The following MGST1 variants were observed in gnomAD, a reference collection of about 807,000 sequenced individuals.
The protein encoded by MGST1 is microsomal glutathione S-transferase 1, also known as glutathione S-transferase 12.
MGST1 carries 5 observed loss-of-function variants against 8.9 expected under a neutral mutation model. That is an observed-to-expected ratio of 0.56 (90% confidence interval 0.29 to 1.19). The LOEUF (loss-of-function observed/expected upper bound fraction) is 1.19, where lower values mean the gene tolerates loss of function less well. Ranked by LOEUF, MGST1 falls within the 50% of genes most tolerant of loss-of-function variation. The probability of loss-of-function intolerance (pLI) is 0.08; values close to 1 mark genes in which losing one functional copy is unlikely to be tolerated. For synonymous variants in MGST1, 54 were observed against 67.8 expected, an observed-to-expected ratio of 0.80 and a Z score of 1.00; for missense variants, 182 against 187.4, an observed-to-expected ratio of 0.97 and a Z score of 0.17.
At chr12:16,395,780 CATATATATATAT>C (rs369986291) in intron 1 of MGST1, among the ~76,000 whole-genome samples, 2 of 121,896 alleles carry the variant, frequency 1.6e-5, no homozygotes, top group East Asian at 2.8e-4. Context: ...AGTATTCCAT[CATATATATATAT>C]ATATATATAT....
At chr12:16,393,706 C>A (rs541089254) in intron 1 of MGST1, among the ~76,000 whole-genome samples, 1 of 152,160 alleles carries the variant, frequency 6.6e-6, no homozygotes, top group South Asian at 2.1e-4. Flanking sequence ...AAGCCTGTTG[C>A]GCTCATTATG....
At chr12:16,491,371 C>T (rs1412884511) in intron 4 of MGST1, among the ~76,000 whole-genome samples, 11 of 152,142 alleles carry the variant, frequency 7.2e-5, no homozygotes, top group African/African-American at 2.7e-4. Flanking sequence ...TGTTAGGCCA[C>T]AGCCTAATGG....
intron 4 of MGST1, among the ~76,000 whole-genome samples, chr12:16,532,628 T>A (rs1377889703): frequency 6.6e-6 from 1 of 152,098 alleles, no homozygotes; most frequent in African/African-American, 2.4e-5. Context: ...CTACACTGAG[T>A]TGGAGTGTTC....
chr12:16,551,455 G>T (rs550112475), intron 4 of MGST1: 5 of 616,114 alleles, frequency 8.1e-6, no homozygotes, highest in South Asian at 8.0e-5. Flanking sequence ...GGCTTAGACA[G>T]TTGTCTTCAT....
chr12:16,513,447 C>T lies in MGST1; in HGVS notation n.483-76081C>T, dbSNP rs995243673. 11 of 408,870 alleles carry T rather than the reference C, an allele frequency of 2.7e-5. No homozygotes were observed. The highest frequency in any genetic ancestry group is 5.3e-5 in the Non-Finnish European group (11 of 208,886). 25.3% of individuals were successfully genotyped at this position (408,870 alleles called of 1,614,324 possible). A position where few individuals can be genotyped will look rare whatever the true frequency, so the allele number is the denominator to read the frequency against. On this transcript the variant is annotated intron_variant and non_coding_transcript_variant, in intron 4 of 4. Transcript: ENST00000538857. This position sits in a 1 kb window ranked among gnomAD's most constrained non-coding sequence, Gnocchi z 4.2. ...TCCGGGATCGCCGCCGCCTTCCACC[C>T]GGGCTCGCCTCTGATGCCCCTGCCA...
At chr12:16,571,027 GTA>G (rs1204194602) in intron 4 of MGST1, among the ~76,000 whole-genome samples, 1 of 151,810 alleles carries the variant, frequency 6.6e-6, no homozygotes, top group Non-Finnish European at 1.5e-5. Flanking sequence ...AAAACTTAAA[GTA>G]TAATAATAAT....
At position 16,413,229 on chromosome 12, in the gene MGST1, G is replaced by A. The variant is rs997455552; in HGVS notation, n.779-24159G>A. On this transcript the variant is annotated intron_variant and non_coding_transcript_variant, in intron 1 of 1. Transcript: ENST00000359720. The surrounding 1 kb of genome is among the most constrained non-coding windows in gnomAD (Gnocchi z 4.0). ...CTGCAGGAGCTAAACTGGTATCTACGGATGCTGTGTTGCCATTTGGGCAAC... is the reference window on the plus strand; with the variant it reads ...CTGCAGGAGCTAAACTGGTATCTACAGATGCTGTGTTGCCATTTGGGCAAC... Among the ~76,000 whole-genome samples the A allele has an allele frequency of 1.5e-4, 23 of 152,084 alleles. No homozygotes were observed. Among genetic ancestry groups the A allele is most frequent in the African/African-American group, 4.1e-4 (17 of 41,420 alleles).
chr12:16,573,058 C>T (rs16912038), intron 4 of MGST1, among the ~76,000 whole-genome samples: 46,777 of 151,366 alleles, frequency 0.31, 7,325 homozygotes, highest in South Asian at 0.34. Flanking sequence ...CCAGATACAT[C>T]TTATAAAAGG....
chr12:16,513,375 C>T lies in MGST1; in HGVS notation n.483-76153C>T, dbSNP rs1941588829. ...TGCTCCGTCCTGCGTCTGCCCACTG[C>T]CCTCCTACCGTCCACCATGGCTCCT... On this transcript the variant is annotated intron_variant and non_coding_transcript_variant, in intron 4 of 4. Transcript: ENST00000538857. This position sits in a 1 kb window ranked among gnomAD's most constrained non-coding sequence, Gnocchi z 4.2. 5.4e-6 allele frequency: 2 copies of T among 367,334 alleles called. No homozygotes were observed. Among genetic ancestry groups the T allele is most frequent in the South Asian group, 4.2e-5 (2 of 47,766 alleles). 22.8% of individuals were successfully genotyped at this position (367,334 alleles called of 1,614,324 possible). A position where few individuals can be genotyped will look rare whatever the true frequency, so the allele number is the denominator to read the frequency against.
chr12:16,456,760 C>CT (rs1941177133), intron 4 of MGST1, among the ~76,000 whole-genome samples: 1 of 151,834 alleles, frequency 6.6e-6, no homozygotes, highest in African/African-American at 2.4e-5. Flanking sequence ...AACCTTTGGG[C>CT]TTTTTTTAAA....
chr12:16,488,802 G>A (rs373067513), intron 4 of MGST1, among the ~76,000 whole-genome samples: 4 of 151,832 alleles, frequency 2.6e-5, no homozygotes, highest in Non-Finnish European at 5.9e-5. Context: ...TTTCTCCACC[G>A]CTTAAATGGA....
rs114333136 is a variant in MGST1 at position 16,547,748 on chromosome 12, G to C, written n.483-41780G>C. On this transcript the variant is annotated intron_variant and non_coding_transcript_variant, in intron 4 of 4. Coordinates refer to the MGST1 transcript ENST00000538857. The surrounding 1 kb of genome is among the most constrained non-coding windows in gnomAD (Gnocchi z 4.6). The stretch of plus-strand genomic sequence containing the variant: ...TTAAGAAAAAGTAATGATCAAAAAG[G>C]CTTTTGCTAAAATTGTATTTTGTGC... Among the ~76,000 whole-genome samples the C allele has an allele frequency of 6.6e-6, 1 of 151,756 alleles. No homozygotes were observed.
chr12:16,402,386 C>A, intron 1 of MGST1: 1 of 1,604,610 alleles, frequency 6.2e-7, no homozygotes, highest in East Asian at 2.2e-5. Context: ...CTTCACTCAC[C>A]GATAATAAGC....
intron 4 of MGST1, among the ~76,000 whole-genome samples, chr12:16,581,303 C>G (rs1054780362): frequency 6.6e-6 from 1 of 152,092 alleles, no homozygotes; most frequent in Non-Finnish European, 1.5e-5. Flanking sequence ...ATCACTTGCA[C>G]CTTGGGAACT....
At chr12:16,437,262 C>T (rs1168208937) in intron 1 of MGST1, 2 of 151,850 alleles carry the variant, frequency 1.3e-5, no homozygotes, top group African/African-American at 4.8e-5. Flanking sequence ...ATTTATAGAC[C>T]AGATTGTCGG....
intron 4 of MGST1, among the ~76,000 whole-genome samples, chr12:16,470,095 C>A (rs1490848674): frequency 6.6e-6 from 1 of 152,040 alleles, no homozygotes; most frequent in African/African-American, 2.4e-5. Context: ...ATAAGTTTCA[C>A]AATAGTTTAC....
intron 4 of MGST1, among the ~76,000 whole-genome samples, chr12:16,574,176 C>G (rs1942919878): frequency 6.6e-6 from 1 of 151,960 alleles, no homozygotes; most frequent in African/African-American, 2.4e-5. Context: ...TAGAGGAAGA[C>G]AGTAGGGCTA....
At chr12:16,474,012 T>C (rs1941304988) in intron 4 of MGST1, among the ~76,000 whole-genome samples, 1 of 152,256 alleles carries the variant, frequency 6.6e-6, no homozygotes, top group Non-Finnish European at 1.5e-5. Flanking sequence ...ATAGAAGTTA[T>C]GTGTCTAACC....
At chr12:16,399,033 G>A (rs1591717321) in intron 1 of MGST1, among the ~76,000 whole-genome samples, 1 of 152,172 alleles carries the variant, frequency 6.6e-6, no homozygotes, top group East Asian at 1.9e-4. Context: ...TTAACAGCAA[G>A]AGCCTCCTCC....
Sources: allele counts gnomAD v4.1 joint callset (sites outside exome capture counted in the v4.1 genomes callset), GRCh38; gene constraint gnomAD v4.1.1; non-coding constraint Gnocchi (gnomAD v3.1); transcripts MANE v1.5; gene names NCBI Gene and HGNC (gene_info 2026-07-23, HGNC 2026-07-21).